The following TMIE variants were observed in gnomAD, a reference collection of about 807,000 sequenced individuals.
The protein encoded by TMIE is transmembrane inner ear.
A neutral mutation model predicts 16.8 loss-of-function variants in TMIE; 14 were observed. The ratio of observed to expected loss-of-function variants is 0.83; its 90% CI spans 0.55 to 1.30. The LOEUF is 1.30. TMIE is among the 50% of genes most tolerant of loss of function. The probability of loss-of-function intolerance (pLI) is 0.00; values close to 1 mark genes in which losing one functional copy is unlikely to be tolerated. For missense variants in TMIE, 204 were observed against 205.9 expected, an observed-to-expected ratio of 0.99 and a Z score of 0.06; for synonymous variants, 75 against 87.2, an observed-to-expected ratio of 0.86 and a Z score of 0.78.
upstream of TMIE, among the ~76,000 whole-genome samples, chr3:46,693,978 C>T (rs1376222655): frequency 6.6e-6 from 1 of 152,086 alleles, no homozygotes; most frequent in African/African-American, 2.4e-5. Context: ...CACACTCAGG[C>T]TCGCCTCTCG....
intron 1 of TMIE, among the ~76,000 whole-genome samples, chr3:46,705,540 C>T (rs1156711663): frequency 1.3e-5 from 2 of 152,226 alleles, no homozygotes; most frequent in Non-Finnish European, 2.9e-5. Flanking sequence ...TCCACATTTG[C>T]TCCTCCAGGC....
chr3:46,705,719 C>T (rs1255972729), intron 1 of TMIE, 71 bp from the exon 2 acceptor site: 3 of 1,334,546 alleles, frequency 2.2e-6, no homozygotes, highest in Admixed American at 3.4e-5. Flanking sequence ...TTGCTGAGAC[C>T]TGGGCCCTTC....
Position 46,701,483 on chromosome 3 carries a change from C to A in TMIE, c.-5C>A. On this transcript the variant is annotated 5_prime_UTR_variant, in exon 1 of 4. Transcript: ENST00000643606. This position sits in a 1 kb window ranked among gnomAD's most constrained non-coding sequence, Gnocchi z 4.3. Reference sequence around the variant, plus strand: ...GGGCTCCGCAAGCGGCGCGGTGGCACGAAGATGGCGGGGTGGCCGGGCGCG... The same window carrying A: ...GGGCTCCGCAAGCGGCGCGGTGGCAAGAAGATGGCGGGGTGGCCGGGCGCG... 1 of 1,357,792 alleles carries A rather than the reference C, an allele frequency of 7.4e-7. No individual in the cohort carries two copies. Among genetic ancestry groups the A allele is most frequent in the South Asian group, 1.8e-5 (1 of 56,544 alleles). The allele number at this position is 1,357,792 out of a possible 1,614,324, so 84.1% of individuals were successfully genotyped here.
rs1426802158 is a variant in TMIE at position 46,708,034 on chromosome 3, C to T, written c.212-1092C>T. Among the ~76,000 whole-genome samples the T allele has an allele frequency of 2.0e-5, 3 of 152,346 alleles. No individual in the cohort carries two copies. In the East Asian group the frequency reaches 5.8e-4, roughly 29 times the overall value. On this transcript the variant is annotated intron_variant, in intron 2 of 3. Transcript: ENST00000643606. ...AGCTGGGGCCCTTGTGCAGCACCCT[C>T]CTCCAAGTGTATGCCTGGATGCTAT...
intron 2 of TMIE, 69 bp downstream of exon 2, chr3:46,705,976 G>A: frequency 6.6e-7 from 1 of 1,521,748 alleles, no homozygotes; most frequent in Non-Finnish European, 9.1e-7. Context: ...CCCCCCAGAG[G>A]GCTCAGAGCA....
intron 1 of TMIE, among the ~76,000 whole-genome samples, chr3:46,695,005 G>A (rs1700372348): frequency 6.6e-6 from 1 of 152,150 alleles, no homozygotes; most frequent in Admixed American, 6.5e-5. Flanking sequence ...GGTGGGTGGG[G>A]GCTACCTCAA....
rs1216265978 is a variant in TMIE at position 46,710,416 on chromosome 3, G to C, written c.*728G>C. On this transcript the variant is annotated 3_prime_UTR_variant, in exon 4 of 4. Coordinates refer to ENST00000643606, the MANE Select transcript of TMIE (RefSeq NM_147196.3). ...GGCTGGGGGCTGCAGGGCTGGGTCA[G>C]GGGTACACAGAGCTAAGGCCAATGG... The C allele has an allele frequency of 6.3e-6, 1 of 157,702 alleles. No homozygotes were observed. Among genetic ancestry groups the C allele is most frequent in the Non-Finnish European group, 1.4e-5 (1 of 71,166 alleles). The allele number at this position is 157,702 out of a possible 1,614,324, so 9.8% of individuals were successfully genotyped here.
intron 1 of TMIE, among the ~76,000 whole-genome samples, chr3:46,704,440 G>A (rs1346104910): frequency 1.4e-5 from 2 of 147,954 alleles, no homozygotes; most frequent in Non-Finnish European, 3.0e-5. Flanking sequence ...AGACACCCAG[G>A]GCAGGACCAT....
chr3:46,700,843 G>C (rs549596876), upstream of TMIE, among the ~76,000 whole-genome samples: 10 of 152,248 alleles, frequency 6.6e-5, no homozygotes, highest in Non-Finnish European at 1.5e-4. Flanking sequence ...CTTCTGTCCT[G>C]TGGGGCTGAA....
intron 2 of TMIE, among the ~76,000 whole-genome samples, chr3:46,708,255 T>C (rs1275896282): frequency 6.6e-6 from 1 of 152,250 alleles, no homozygotes; most frequent in Non-Finnish European, 1.5e-5. Context: ...CAGTCCAGGC[T>C]ACATAGATCT....
In TMIE at chr3:46,710,074, C is replaced by T. The variant is rs1700602293; in HGVS notation, c.*386C>T. ...GTTACTTCAGCCACCCTTTCTGGCACGAAATGGCTGAAGTGCATGGGTCAG... is the reference window on the plus strand; with the variant it reads ...GTTACTTCAGCCACCCTTTCTGGCATGAAATGGCTGAAGTGCATGGGTCAG... On this transcript the variant is annotated 3_prime_UTR_variant, in exon 4 of 4. Transcript: ENST00000643606. The T allele has an allele frequency of 2.0e-5, 7 of 341,782 alleles. No individual in the cohort carries two copies. Among genetic ancestry groups the T allele is most frequent in the East Asian group, 1.4e-4 (2 of 13,834 alleles). The allele number at this position is 341,782 out of a possible 1,614,324, so 21.2% of individuals were successfully genotyped here.
upstream of TMIE, among the ~76,000 whole-genome samples, chr3:46,700,694 G>A (rs769152352): frequency 1.1e-4 from 16 of 152,170 alleles, no homozygotes; most frequent in Non-Finnish European, 1.8e-4. Context: ...GTCAGGGCCA[G>A]AGTGCAGTGT....
Position 46,709,911 on chromosome 3 carries a change from C to T in TMIE, c.*223C>T. 2.4e-6 allele frequency: 2 copies of T among 828,274 alleles called. No individual in the cohort carries two copies. The highest frequency in any genetic ancestry group is 3.7e-6 in the Non-Finnish European group (2 of 539,804). 51.3% of individuals were successfully genotyped at this position (828,274 alleles called of 1,614,324 possible). ...GGCTTGGCTCCTTTCACCCCATCCA[C>T]ATGGGTACTGTCTCGGCAGAGGTGG... On this transcript the variant is annotated 3_prime_UTR_variant, in exon 4 of 4. Coordinates refer to ENST00000643606, the MANE Select transcript of TMIE (RefSeq NM_147196.3).
At chr3:46,705,737 G>A in intron 1 of TMIE, 53 bp from the exon 2 acceptor site, 1 of 1,544,950 alleles carries the variant, frequency 6.5e-7, no homozygotes, top group Non-Finnish European at 8.9e-7. Flanking sequence ...TTCTCAGCTG[G>A]TTCCAGCCAG....
upstream of TMIE, among the ~76,000 whole-genome samples, chr3:46,698,881 C>G (rs1700437848): frequency 2.0e-5 from 3 of 151,204 alleles, no homozygotes; most frequent in Admixed American, 2.0e-4. Context: ...AGGGGTCTCA[C>G]TATATTGCTT....
chr3:46,709,709 G>T lies in TMIE; in HGVS notation c.*21G>T. 1 of 1,613,772 alleles carries T rather than the reference G, an allele frequency of 6.2e-7. No homozygotes were observed. The stretch of plus-strand genomic sequence containing the variant: ...AATGAAGACATCCTGGGCAGCTTGG[G>T]CTGGCGGGCCCTGGAGCTCAAGCCG... On this transcript the variant is annotated 3_prime_UTR_variant, in exon 4 of 4. Transcript: ENST00000643606.
chr3:46,698,287 G>A (rs554198700), upstream of TMIE, among the ~76,000 whole-genome samples: 26 of 152,010 alleles, frequency 1.7e-4, no homozygotes, highest in Non-Finnish European at 3.5e-4. Context: ...CTCATGATCC[G>A]CCCACCTGAG....
upstream of TMIE, among the ~76,000 whole-genome samples, chr3:46,698,722 A>G (rs576763538): frequency 9.4e-4 from 143 of 152,372 alleles, 1 homozygote; most frequent in Non-Finnish European, 1.7e-3. Flanking sequence ...AAGTTAGGAC[A>G]TATAAAGCTA....
chr3:46,706,487 ATGGAGGTC>A (rs1700554407), intron 2 of TMIE, among the ~76,000 whole-genome samples: 1 of 152,120 alleles, frequency 6.6e-6, no homozygotes, highest in Non-Finnish European at 1.5e-5. Flanking sequence ...TCCCCTCAGA[ATGGAGGTC>A]TGGAGTTGGG....
Sources: gnomAD v4.1 joint callset for allele counts (sites outside exome capture counted in the v4.1 genomes callset) on GRCh38, gnomAD v4.1.1 for gene constraint, Gnocchi (gnomAD v3.1) non-coding constraint, MANE v1.5 for transcripts, NCBI Gene and HGNC (gene_info 2026-07-23, HGNC 2026-07-21) for gene names.